Variants in E2F3 observed in about 807,000 individuals in gnomAD.
The protein encoded by E2F3 is E2F transcription factor 3.
A neutral mutation model predicts 44.4 loss-of-function variants in E2F3; 11 were observed. The ratio of observed to expected loss-of-function variants is 0.25; its 90% confidence interval spans 0.16 to 0.41. E2F3 has a LOEUF of 0.41. Ranked by LOEUF, E2F3 falls within the 10% of genes least tolerant of loss-of-function variation. The pLI is 1.00. For synonymous variants in E2F3, 249 were observed against 253.0 expected, an observed-to-expected ratio of 0.98 and a Z score of 0.15; for missense variants, 487 against 583.6, an observed-to-expected ratio of 0.83 and a Z score of 1.70.
intron 1 of E2F3, among the ~76,000 whole-genome samples, chr6:20,464,700 T>C (rs1201531447): frequency 6.6e-6 from 1 of 152,212 alleles, no homozygotes; most frequent in Non-Finnish European, 1.5e-5. Flanking sequence ...TACAGTACTA[T>C]GTAGGGGGAG....
chr6:20,458,273 G>A (rs766523256), intron 1 of E2F3, among the ~76,000 whole-genome samples: 4 of 152,132 alleles, frequency 2.6e-5, no homozygotes, highest in Admixed American at 1.3e-4. Context: ...TTAAAGAATC[G>A]CGTGTGCTTT....
At chr6:20,475,361 T>C (rs1762011850) in intron 1 of E2F3, among the ~76,000 whole-genome samples, 1 of 152,218 alleles carries the variant, frequency 6.6e-6, no homozygotes, top group Admixed American at 6.5e-5. Context: ...CTTTGCCTCA[T>C]GGCAGTCTGA....
At chr6:20,403,431 T>TC (rs1189623551) in intron 1 of E2F3, among the ~76,000 whole-genome samples, 1 of 151,834 alleles carries the variant, frequency 6.6e-6, no homozygotes, top group Non-Finnish European at 1.5e-5. Flanking sequence ...CCCCGCCCTG[T>TC]CCCCCTCTCC....
chr6:20,492,490 A>G lies in E2F3; in HGVS notation c.*2060A>G, dbSNP rs1333363100. 1.7e-5 allele frequency: 4 copies of G among 233,338 alleles called. No individual in the cohort carries two copies. Among genetic ancestry groups the G allele is most frequent in the Non-Finnish European group, 3.4e-5 (4 of 117,904 alleles). 14.5% of individuals were successfully genotyped at this position (233,338 alleles called of 1,614,324 possible). On this transcript the variant is annotated 3_prime_UTR_variant, in exon 7 of 7. Transcript: ENST00000346618. Reference sequence around the variant, plus strand: ...AATGCACTGTGGGGTTTTTTCCTGTATGGGAAACCATTTATGCCAAGCTTT... The same window carrying G: ...AATGCACTGTGGGGTTTTTTCCTGTGTGGGAAACCATTTATGCCAAGCTTT...
At chr6:20,486,991 C>T (rs1051657155) in intron 5 of E2F3, among the ~76,000 whole-genome samples, 188 bp downstream of exon 5, 2 of 152,180 alleles carry the variant, frequency 1.3e-5, no homozygotes, top group African/African-American at 2.4e-5. Flanking sequence ...ATTCAAACAA[C>T]CTAACTTTGA....
intron 1 of E2F3, among the ~76,000 whole-genome samples, chr6:20,409,003 A>C (rs2127584528): frequency 6.6e-6 from 1 of 152,338 alleles, no homozygotes; most frequent in South Asian, 2.1e-4. Flanking sequence ...GCAGGTGAGG[A>C]AATTCAGGCC....
chr6:20,447,158 G>A (rs11962400), intron 1 of E2F3, among the ~76,000 whole-genome samples: 2,499 of 152,240 alleles, frequency 0.016, 82 homozygotes, highest in African/African-American at 0.057. Flanking sequence ...GGACGTCCAC[G>A]TTTGTCCTGT....
intron 1 of E2F3, among the ~76,000 whole-genome samples, chr6:20,433,517 G>A (rs1760473632): frequency 6.6e-6 from 1 of 152,214 alleles, no homozygotes; most frequent in South Asian, 2.1e-4. Flanking sequence ...GTCACCCATA[G>A]AAATAGATAT....
At chr6:20,480,539 C>G (rs1296873297) in intron 2 of E2F3, among the ~76,000 whole-genome samples, 1 of 152,168 alleles carries the variant, frequency 6.6e-6, no homozygotes, top group Non-Finnish European at 1.5e-5. Flanking sequence ...TCCTTTAGTT[C>G]ATGCATTAGG....
chr6:20,402,993 G>A lies in E2F3; in HGVS notation c.393+368G>A, dbSNP rs866487583. 6.4e-4 allele frequency among the ~76,000 whole-genome samples: 98 copies of A among 152,184 alleles called. 2 individuals carry two copies. The highest frequency in any genetic ancestry group is 2.1e-3 in the African/African-American group (86 of 41,532). ...GTAGGAAGGGGTCACGCCCCGGATG[G>A]AGAAGGGGGTGGGGGAGGGAGTAGT... On this transcript the variant is annotated intron_variant, in intron 1 of 6. Coordinates refer to ENST00000346618, the MANE Select transcript of E2F3 (RefSeq NM_001949.5). This position sits in a 1 kb window ranked among gnomAD's most constrained non-coding sequence, Gnocchi z 5.6.
At chr6:20,408,438 T>A (rs570231123) in intron 1 of E2F3, among the ~76,000 whole-genome samples, 1 of 152,334 alleles carries the variant, frequency 6.6e-6, no homozygotes, top group South Asian at 2.1e-4. Flanking sequence ...CTAAAAGCAA[T>A]GTGTTTTTGG....
At chr6:20,460,145 ACTT>A (rs1193093341) in intron 1 of E2F3, among the ~76,000 whole-genome samples, 1 of 152,178 alleles carries the variant, frequency 6.6e-6, no homozygotes, top group African/African-American at 2.4e-5. Context: ...CTGTCTCAGA[ACTT>A]CTCACGGGCT....
intron 1 of E2F3, among the ~76,000 whole-genome samples, chr6:20,409,541 A>G (rs1759600392): frequency 6.6e-6 from 1 of 152,132 alleles, no homozygotes; most frequent in South Asian, 2.1e-4. Flanking sequence ...GTCCTGGGCC[A>G]CCAACATCCT....
chr6:20,460,084 C>A (rs190760256), intron 1 of E2F3, among the ~76,000 whole-genome samples: 21 of 152,344 alleles, frequency 1.4e-4, no homozygotes, highest in Middle Eastern at 3.4e-3. Flanking sequence ...AAATGTTATT[C>A]TTTGTCAGTG....
rs556879881 is a variant in E2F3 at position 20,488,958 on chromosome 6, A to C, written c.1135+710A>C. 2.6e-5 allele frequency among the ~76,000 whole-genome samples: 4 copies of C among 152,190 alleles called. No homozygotes were observed. In the South Asian group the frequency reaches 8.3e-4, roughly 32 times the overall value. ...GCAGTGAGCCGAGATCCGCCACTGC[A>C]CTCCAGCCTGGTGACAGAGTGAGAC... On this transcript the variant is annotated intron_variant, in intron 6 of 6. Coordinates refer to ENST00000346618, the MANE Select transcript of E2F3 (RefSeq NM_001949.5).
At chr6:20,472,288 G>A (rs549410072) in intron 1 of E2F3, among the ~76,000 whole-genome samples, 14 of 152,266 alleles carry the variant, frequency 9.2e-5, no homozygotes, top group Non-Finnish European at 1.9e-4. Context: ...TGGTAAAATC[G>A]TGCAGTGGCA....
chr6:20,437,660 T>C (rs1230665055), intron 1 of E2F3, among the ~76,000 whole-genome samples: 1 of 152,200 alleles, frequency 6.6e-6, no homozygotes, highest in African/African-American at 2.4e-5. Flanking sequence ...GCCACTGGTT[T>C]AGAGAAGTTT....
At chr6:20,467,530 C>T (rs1487582635) in intron 1 of E2F3, among the ~76,000 whole-genome samples, 1 of 152,222 alleles carries the variant, frequency 6.6e-6, no homozygotes, top group East Asian at 1.9e-4. Flanking sequence ...TGATTTTGCC[C>T]TTTCCTGACA....
rs564479144 is a variant in E2F3 at position 20,478,834 on chromosome 6, T to G, written c.394-1012T>G. Among the ~76,000 whole-genome samples the G allele has an allele frequency of 2.6e-5, 4 of 152,260 alleles. No homozygotes were observed. In the South Asian group the frequency reaches 8.3e-4, roughly 32 times the overall value. Reference sequence around the variant, plus strand: ...TAAAAAAAAGAAACTGCAAATCTCCTCATTAGAAGAATCTGCCTGAAAATG... The same window carrying G: ...TAAAAAAAAGAAACTGCAAATCTCCGCATTAGAAGAATCTGCCTGAAAATG... On this transcript the variant is annotated intron_variant, in intron 1 of 6. Transcript: ENST00000346618.
Sources: allele counts gnomAD v4.1 joint callset (sites outside exome capture counted in the v4.1 genomes callset), GRCh38; gene constraint gnomAD v4.1.1; non-coding constraint Gnocchi (gnomAD v3.1); transcripts MANE v1.5; gene names NCBI Gene and HGNC (gene_info 2026-07-23, HGNC 2026-07-21).